The following NEGR1 variants were observed in gnomAD, a reference collection of about 807,000 sequenced individuals.
The protein encoded by NEGR1 is neuronal growth regulator 1.
In NEGR1, 10 loss-of-function variants were observed where a neutral mutation model predicts 40.9. The ratio of observed to expected loss-of-function variants is 0.24; its 90% CI spans 0.15 to 0.42. The LOEUF is 0.42. Ranked by LOEUF, NEGR1 falls within the 10% of genes least tolerant of loss-of-function variation. The pLI is 1.00. For missense variants in NEGR1, 352 were observed against 438.9 expected (o/e 0.80, Z 1.77); for synonymous variants, 185 against 166.8 (o/e 1.11, Z -0.84).
intron 6 of NEGR1, among the ~76,000 whole-genome samples, chr1:71,457,194 C>T (rs141338601): frequency 1.3e-3 from 197 of 152,270 alleles, no homozygotes; most frequent in Non-Finnish European, 2.3e-3. Flanking sequence ...ATTCCACTCT[C>T]ATGTGGTCTA....
intron 2 of NEGR1, among the ~76,000 whole-genome samples, chr1:71,845,725 A>G (rs1430711821): frequency 6.6e-6 from 1 of 151,292 alleles, no homozygotes; most frequent in Admixed American, 6.6e-5. Flanking sequence ...AGATCTATCT[A>G]TCTATCTATC....
intron 3 of NEGR1, among the ~76,000 whole-genome samples, chr1:71,775,924 C>T (rs994747968): frequency 1.3e-5 from 2 of 151,300 alleles, no homozygotes; most frequent in Non-Finnish European, 2.9e-5. Flanking sequence ...ACCTGGGAGG[C>T]GGAGGTTGCA....
chr1:72,087,743 C>T (rs1648282433), intron 1 of NEGR1, among the ~76,000 whole-genome samples: 1 of 146,472 alleles, frequency 6.8e-6, no homozygotes, highest in Non-Finnish European at 1.5e-5. Flanking sequence ...CAGGTGTGTG[C>T]CACTGTGCTT....
At chr1:71,523,895 C>G (rs1251768777) in intron 6 of NEGR1, among the ~76,000 whole-genome samples, 1 of 151,818 alleles carries the variant, frequency 6.6e-6, no homozygotes, top group Non-Finnish European at 1.5e-5. Flanking sequence ...TAGCGAGAAG[C>G]TCTGGGCTAG....
At chr1:72,012,489 C>A (rs1411471025) in intron 1 of NEGR1, among the ~76,000 whole-genome samples, 1 of 152,048 alleles carries the variant, frequency 6.6e-6, no homozygotes, top group Non-Finnish European at 1.5e-5. Context: ...CCACTACCAG[C>A]CATTTGAAAG....
At chr1:71,602,148 AT>A (rs1269679072) in intron 5 of NEGR1, among the ~76,000 whole-genome samples, 2 of 149,182 alleles carry the variant, frequency 1.3e-5, no homozygotes, top group Non-Finnish European at 3.0e-5. Flanking sequence ...GTTATACCTG[AT>A]TTCATATCCT....
chr1:72,229,031 T>A (rs1258346216), intron 1 of NEGR1, among the ~76,000 whole-genome samples: 1 of 152,086 alleles, frequency 6.6e-6, no homozygotes, highest in Non-Finnish European at 1.5e-5. Flanking sequence ...CCTCTCTCTC[T>A]CACAAGTCAC....
At chr1:71,553,496 G>A (rs1570022318) in intron 6 of NEGR1, among the ~76,000 whole-genome samples, 1 of 151,398 alleles carries the variant, frequency 6.6e-6, no homozygotes, top group Admixed American at 6.6e-5. Flanking sequence ...GTAGAAGTAG[G>A]CCAGACACTA....
At chr1:72,177,236 ATATTTTTAGC>A (rs1261125173) in intron 1 of NEGR1, among the ~76,000 whole-genome samples, 1 of 152,088 alleles carries the variant, frequency 6.6e-6, no homozygotes, top group Admixed American at 6.6e-5. Flanking sequence ...TACTCATGGT[ATATTTTTAGC>A]AACCGACAGA....
At chr1:71,920,759 G>C (rs1297759216) in intron 2 of NEGR1, among the ~76,000 whole-genome samples, 3 of 152,152 alleles carry the variant, frequency 2.0e-5, no homozygotes, top group Non-Finnish European at 4.4e-5. Context: ...CTCTTCACTA[G>C]TTTCTCCACC....
At chr1:72,238,885 A>T (rs775695798) in intron 1 of NEGR1, among the ~76,000 whole-genome samples, 1 of 151,876 alleles carries the variant, frequency 6.6e-6, no homozygotes, top group Non-Finnish European at 1.5e-5. Flanking sequence ...GGCACAGAAG[A>T]ACTTTCAATG....
intron 2 of NEGR1, among the ~76,000 whole-genome samples, chr1:71,834,588 C>A: frequency 6.6e-6 from 1 of 151,962 alleles, no homozygotes; most frequent in African/African-American, 2.4e-5. Context: ...ATCAGAGTGA[C>A]TTATACAACT....
At chr1:71,499,123 T>C (rs779131890) in intron 6 of NEGR1, among the ~76,000 whole-genome samples, 8 of 152,184 alleles carry the variant, frequency 5.3e-5, no homozygotes, top group Non-Finnish European at 8.8e-5. Flanking sequence ...GATTTTATTC[T>C]TTTCCATGTG....
At chr1:71,814,922 C>A (rs78035966) in intron 2 of NEGR1, among the ~76,000 whole-genome samples, 1 of 152,116 alleles carries the variant, frequency 6.6e-6, no homozygotes, top group Admixed American at 6.6e-5. Context: ...CCACTCTGAT[C>A]TTGGTTACTT....
intron 4 of NEGR1, among the ~76,000 whole-genome samples, chr1:71,635,516 T>C (rs1490403021): frequency 6.6e-6 from 1 of 151,848 alleles, no homozygotes; most frequent in Non-Finnish European, 1.5e-5. Context: ...TGAGGCAAAA[T>C]GGAGAGAGTT....
At chr1:71,922,892 C>A (rs1645733642) in intron 2 of NEGR1, among the ~76,000 whole-genome samples, 1 of 152,180 alleles carries the variant, frequency 6.6e-6, no homozygotes, top group Admixed American at 6.5e-5. Flanking sequence ...AGTTCATATG[C>A]TTTATAAATA....
chr1:71,407,413 G>T lies in NEGR1; in HGVS notation c.*33C>A, dbSNP rs1159007795. ...GGATCCAGCCATCAGCACTTTCAGA[G>T]AATCCTTAAAAGCCTTTTATGGGTC... On this transcript the variant is annotated 3_prime_UTR_variant, in exon 7 of 7. Coordinates refer to ENST00000357731, the MANE Select transcript of NEGR1 (RefSeq NM_173808.3). The T allele has an allele frequency of 6.2e-7, 1 of 1,604,590 alleles. No homozygotes were observed. Among genetic ancestry groups the T allele is most frequent in the Non-Finnish European group, 8.5e-7 (1 of 1,173,668 alleles).
chr1:71,876,305 G>T (rs1225748783), intron 2 of NEGR1, among the ~76,000 whole-genome samples: 2 of 152,048 alleles, frequency 1.3e-5, no homozygotes, highest in Non-Finnish European at 2.9e-5. Flanking sequence ...GTGCTCAGGA[G>T]TTCAAGACAA....
At chr1:71,803,456 A>G (rs915824009) in intron 2 of NEGR1, among the ~76,000 whole-genome samples, 18 of 152,156 alleles carry the variant, frequency 1.2e-4, no homozygotes, top group African/African-American at 3.1e-4. Context: ...AGTCTGTCCA[A>G]TGGCTAACAG....
Sources: gnomAD v4.1 joint callset for allele counts (sites outside exome capture counted in the v4.1 genomes callset) on GRCh38, gnomAD v4.1.1 for gene constraint, MANE v1.5 for transcripts, NCBI Gene and HGNC (gene_info 2026-07-23, HGNC 2026-07-21) for gene names.